PPIP5K2: variants seen among roughly 807,000 people sequenced by gnomAD.
PPIP5K2 encodes the protein diphosphoinositol pentakisphosphate kinase 2.
A neutral mutation model predicts 154.6 loss-of-function variants in PPIP5K2; 105 were observed. That is an observed-to-expected ratio of 0.68 (90% confidence interval 0.58 to 0.80). The LOEUF is 0.80. Ranked by LOEUF, PPIP5K2 falls within the 30% of genes least tolerant of loss-of-function variation. The pLI is 0.00. For missense variants in PPIP5K2, 992 were observed against 1,504.6 expected (o/e 0.66, Z 5.64); for synonymous variants, 480 against 490.3 (o/e 0.98, Z 0.28).
At chr5:103,167,443 G>C in intron 18 of PPIP5K2, 123 bp downstream of exon 18, 7 of 768,126 alleles carry the variant, frequency 9.1e-6, no homozygotes, top group Non-Finnish European at 1.2e-5. Flanking sequence ...TGTATAGTAT[G>C]AGTTAATGTA....
rs368945406 is a variant in PPIP5K2 at position 103,168,113 on chromosome 5, C to T, written c.2104C>T (p.Arg702Cys). 1.2e-5 allele frequency: 19 copies of T among 1,609,586 alleles called. No individual in the cohort carries two copies. The highest frequency in any genetic ancestry group is 5.5e-5 in the South Asian group (5 of 90,910). ...YHSETLELML[R>C]RWSKLEKDFK... ...TAGTGAAACATTGGAGCTTATGCTA[C>T]GTAGATGGTCCAAGTTAGAGAAAGA... The change falls in exon 19 of 31, where the codon CGT becomes TGT. Residue 702 changes from arginine to cysteine, a missense_variant. Coordinates refer to ENST00000358359, the MANE Select transcript of PPIP5K2 (RefSeq NM_001276277.3).
At chr5:103,179,704 T>C (rs1799215180) in intron 23 of PPIP5K2, among the ~76,000 whole-genome samples, 1 of 152,128 alleles carries the variant, frequency 6.6e-6, no homozygotes, top group African/African-American at 2.4e-5. Context: ...CTGTCATTTA[T>C]TATTATTGTT....
intron 29 of PPIP5K2, among the ~76,000 whole-genome samples, chr5:103,193,701 C>A (rs1801624753): frequency 1.3e-5 from 2 of 152,084 alleles, no homozygotes; most frequent in African/African-American, 4.8e-5. Flanking sequence ...CTACTTTGAG[C>A]TCTTTCAGTT....
chr5:103,185,059 TA>T (rs1800155434), intron 26 of PPIP5K2, among the ~76,000 whole-genome samples: 1 of 152,172 alleles, frequency 6.6e-6, no homozygotes, highest in Non-Finnish European at 1.5e-5. Flanking sequence ...TCCCAGTTGA[TA>T]AAGATGAAAA....
chr5:103,208,828 T>C lies in PPIP5K2; in HGVS notation c.*7194T>C, dbSNP rs1196790127. ...GCACCTGGCAGCTCTATCTCCTATT[T>C]TGGGGTTGAGGTTAAAGTGTCTTCT... is the stretch of plus-strand genomic sequence containing the variant. On this transcript the variant is annotated 3_prime_UTR_variant, in exon 31 of 31. Coordinates refer to ENST00000358359, the MANE Select transcript of PPIP5K2 (RefSeq NM_001276277.3). 6.6e-6 allele frequency: 1 copy of C among 152,192 alleles called. No individual in the cohort carries two copies. The highest frequency in any genetic ancestry group is 2.4e-5 in the African/African-American group (1 of 41,458). The allele number at this position is 152,192 out of a possible 1,614,324, so 9.4% of individuals were successfully genotyped here. A position where few individuals can be genotyped will look rare whatever the true frequency, so the allele number is the denominator to read the frequency against.
intron 24 of PPIP5K2, among the ~76,000 whole-genome samples, chr5:103,181,901 G>C (rs1554223038): frequency 5.3e-5 from 8 of 151,960 alleles, no homozygotes. Context: ...ACTTTATAAT[G>C]GAAATCATAT....
intron 19 of PPIP5K2, among the ~76,000 whole-genome samples, chr5:103,170,863 C>T (rs4703250): frequency 0.015 from 2,312 of 151,462 alleles, 38 homozygotes; most frequent in South Asian, 0.063. Flanking sequence ...ATACATAGTT[C>T]TCAAGCAAAT....
chr5:103,201,384 G>A (rs1488675064), intron 30 of PPIP5K2, 138 bp from the exon 31 acceptor site: 4 of 567,990 alleles, frequency 7.0e-6, no homozygotes, highest in Non-Finnish European at 1.2e-5. Flanking sequence ...GGTTAAAAAT[G>A]CTATATTAAA....
intron 2 of PPIP5K2, among the ~76,000 whole-genome samples, chr5:103,130,657 T>A (rs183595637): frequency 9.2e-5 from 14 of 152,274 alleles, no homozygotes; most frequent in Non-Finnish European, 1.6e-4. Flanking sequence ...AAACTAGATT[T>A]TCAGGCAGGC....
At chr5:103,134,578 T>C (rs1476906112) in intron 3 of PPIP5K2, among the ~76,000 whole-genome samples, 1 of 152,208 alleles carries the variant, frequency 6.6e-6, no homozygotes, top group Non-Finnish European at 1.5e-5. Flanking sequence ...CTGCTCATTT[T>C]AGAGAACCTT....
Position 103,201,952 on chromosome 5 carries a change from G to GC in PPIP5K2, c.*318_*319insC. 5.0e-6 allele frequency: 1 copy of GC among 198,554 alleles called. No individual in the cohort carries two copies. Among genetic ancestry groups the GC allele is most frequent in the Non-Finnish European group, 1.0e-5 (1 of 98,778 alleles). The allele number at this position is 198,554 out of a possible 1,614,324, so 12.3% of individuals were successfully genotyped here. A position where few individuals can be genotyped will look rare whatever the true frequency, so the allele number is the denominator to read the frequency against. On this transcript the variant is annotated 3_prime_UTR_variant, in exon 31 of 31. Coordinates refer to ENST00000358359, the MANE Select transcript of PPIP5K2 (RefSeq NM_001276277.3). ...CACAGCAGTAATGCTATGTACTGCA[G>GC]AGTCTGATGAGCTGGCCTTTGTGCA...
chr5:103,152,953 A>G (rs1307512057), intron 10 of PPIP5K2, among the ~76,000 whole-genome samples: 1 of 151,886 alleles, frequency 6.6e-6, no homozygotes, highest in Non-Finnish European at 1.5e-5. Context: ...ATGCCTGGAT[A>G]ATTATAGAAT....
chr5:103,196,211 A>G (rs1429450671), intron 30 of PPIP5K2, among the ~76,000 whole-genome samples: 1 of 151,972 alleles, frequency 6.6e-6, no homozygotes. Flanking sequence ...ACTCAACCCA[A>G]CCTCTTCCAC....
rs28025 is a variant in PPIP5K2, at chr5:103,201,678, A to G, written c.*44A>G. The stretch of plus-strand genomic sequence containing the variant: ...AACTTTTTATACTTATAAAAATAGT[A>G]TGTTCTTATGTTTCTCCTTATGCAT... On this transcript the variant is annotated 3_prime_UTR_variant, in exon 31 of 31. Coordinates refer to ENST00000358359, the MANE Select transcript of PPIP5K2 (RefSeq NM_001276277.3). 367,274 of 1,300,872 alleles carry G rather than the reference A, an allele frequency of 0.28. 54,731 individuals carry two copies. The highest frequency in any genetic ancestry group is 0.46 in the East Asian group (18,954 of 41,588). The allele number at this position is 1,300,872 out of a possible 1,614,324, so 80.6% of individuals were successfully genotyped here. A position where few individuals can be genotyped will look rare whatever the true frequency, so the allele number is the denominator to read the frequency against.
At chr5:103,163,005 T>G (rs1271837355) in intron 17 of PPIP5K2, among the ~76,000 whole-genome samples, 1 of 151,962 alleles carries the variant, frequency 6.6e-6, no homozygotes, top group African/African-American at 2.4e-5. Context: ...GTGATCTGTT[T>G]CTGGACCCTG....
intron 17 of PPIP5K2, among the ~76,000 whole-genome samples, chr5:103,163,994 GA>G (rs1258000223): frequency 6.6e-6 from 1 of 151,896 alleles, no homozygotes; most frequent in African/African-American, 2.4e-5. Flanking sequence ...TATTTGAGGA[GA>G]ATAGTATATG....
At chr5:103,130,085 T>C (rs1341648450) in intron 2 of PPIP5K2, among the ~76,000 whole-genome samples, 1 of 152,190 alleles carries the variant, frequency 6.6e-6, no homozygotes, top group African/African-American at 2.4e-5. Context: ...ATTACTTAAA[T>C]AGATTCATTA....
chr5:103,144,162 A>G (rs1793340607), intron 5 of PPIP5K2, among the ~76,000 whole-genome samples: 1 of 152,110 alleles, frequency 6.6e-6, no homozygotes, highest in African/African-American at 2.4e-5. Context: ...AAACTAAAAA[A>G]AAAAAGTAAT....
intron 5 of PPIP5K2, 26 bp downstream of exon 5, chr5:103,138,495 C>T: frequency 1.4e-6 from 2 of 1,452,336 alleles, no homozygotes; most frequent in South Asian, 2.4e-5. Flanking sequence ...TTTAGGTAAG[C>T]TTCCTTTGCC....
Sources: gnomAD v4.1 joint callset for allele counts (sites outside exome capture counted in the v4.1 genomes callset) on GRCh38, gnomAD v4.1.1 for gene constraint, MANE v1.5 for transcripts, NCBI Gene and HGNC (gene_info 2026-07-23, HGNC 2026-07-21) for gene names.